RABGAP1L: variants seen among roughly 807,000 people sequenced by gnomAD.
RABGAP1L encodes the protein RAB GTPase activating protein 1 like, also known as rab GTPase-activating protein 1-like.
In RABGAP1L, 63 loss-of-function variants were observed where a neutral mutation model predicts 137.7. The observed-to-expected ratio is 0.46, with a 90% CI of 0.37 to 0.56. The LOEUF is 0.56. Among genes scored for constraint, RABGAP1L ranks in the 20% least tolerant of loss-of-function variants. The pLI is 0.00. For synonymous variants in RABGAP1L, 431 were observed against 433.7 expected (o/e 0.99, Z 0.08); for missense variants, 1,095 against 1,244.0 (o/e 0.88, Z 1.80).
intron 17 of RABGAP1L, among the ~76,000 whole-genome samples, chr1:174,728,196 G>T (rs1236614916): frequency 6.6e-6 from 1 of 152,046 alleles, no homozygotes; most frequent in South Asian, 2.1e-4. Flanking sequence ...TTGTTGCCTT[G>T]TTCTTTACTC....
intron 12 of RABGAP1L, among the ~76,000 whole-genome samples, chr1:174,379,255 G>A (rs950646865): frequency 2.7e-5 from 4 of 149,400 alleles, no homozygotes; most frequent in African/African-American, 1.0e-4. Context: ...GCTTAGGATT[G>A]ACTTGGCGAT....
At chr1:174,829,240 T>A (rs1360419415) in intron 19 of RABGAP1L, among the ~76,000 whole-genome samples, 3 of 148,228 alleles carry the variant, frequency 2.0e-5, no homozygotes, top group Non-Finnish European at 4.5e-5. Context: ...ATATTGGGCT[T>A]TGCATTTTCC....
intron 11 of RABGAP1L, among the ~76,000 whole-genome samples, chr1:174,329,949 C>CA (rs60754983): frequency 0.016 from 2,301 of 142,406 alleles, 26 homozygotes; most frequent in Admixed American, 0.026. Flanking sequence ...TGGTCTCCTG[C>CA]AAAAAAAAAA....
chr1:174,255,599 A>G (rs995870287), intron 7 of RABGAP1L, among the ~76,000 whole-genome samples: 72 of 152,318 alleles, frequency 4.7e-4, no homozygotes, highest in African/African-American at 1.7e-3. Flanking sequence ...ATCTTGGCTC[A>G]CTGCAACCTC....
intron 14 of RABGAP1L, among the ~76,000 whole-genome samples, chr1:174,674,105 T>C (rs1207457272): frequency 6.6e-6 from 1 of 151,668 alleles, no homozygotes; most frequent in Non-Finnish European, 1.5e-5. Flanking sequence ...ATTATTATTA[T>C]ACTTTAAGTT....
chr1:174,793,486 A>G (rs564655301), intron 18 of RABGAP1L, among the ~76,000 whole-genome samples: 1 of 152,350 alleles, frequency 6.6e-6, no homozygotes, highest in Admixed American at 6.5e-5. Flanking sequence ...GTAACTGCAC[A>G]GTATCTTCTA....
intron 11 of RABGAP1L, among the ~76,000 whole-genome samples, chr1:174,362,038 A>C (rs923345070): frequency 1.3e-5 from 2 of 152,070 alleles, no homozygotes; most frequent in East Asian, 3.9e-4. Context: ...TGCACTATTC[A>C]GTTTTCTGTT....
intron 19 of RABGAP1L, among the ~76,000 whole-genome samples, chr1:174,885,817 A>C (rs1654999934): frequency 1.3e-5 from 2 of 151,926 alleles, no homozygotes; most frequent in African/African-American, 4.8e-5. Flanking sequence ...AATACAAAAA[A>C]TTAGCCGGGC....
chr1:174,920,661 G>A (rs10912850), intron 19 of RABGAP1L, among the ~76,000 whole-genome samples: 16,664 of 152,140 alleles, frequency 0.11, 982 homozygotes, highest in East Asian at 0.22. Context: ...CTTTAAAGTG[G>A]TAATTAAGGT....
At chr1:174,552,327 G>A (rs1007220618) in intron 13 of RABGAP1L, among the ~76,000 whole-genome samples, 12 of 151,774 alleles carry the variant, frequency 7.9e-5, no homozygotes, top group South Asian at 2.1e-4. Context: ...TCCACCCTCC[G>A]CCTCCACCCT....
chr1:174,614,870 C>A (rs990903865), intron 13 of RABGAP1L, among the ~76,000 whole-genome samples: 19 of 152,296 alleles, frequency 1.2e-4, no homozygotes, highest in Middle Eastern at 3.4e-3. Flanking sequence ...TTGATCGTAT[C>A]GGCTCCTGAG....
intron 18 of RABGAP1L, chr1:174,800,490 G>A (rs577417263): frequency 9.0e-6 from 14 of 1,550,408 alleles, no homozygotes; most frequent in Admixed American, 2.0e-5. Flanking sequence ...TTTGTGCCTC[G>A]GCTTCTGGCG....
At chr1:174,486,943 A>C (rs891092157) in intron 13 of RABGAP1L, among the ~76,000 whole-genome samples, 2 of 152,164 alleles carry the variant, frequency 1.3e-5, no homozygotes, top group African/African-American at 2.4e-5. Context: ...AGTATTCAAA[A>C]TTCCTTGTTA....
At chr1:174,644,803 C>T (rs757206664) in intron 14 of RABGAP1L, among the ~76,000 whole-genome samples, 10 of 152,066 alleles carry the variant, frequency 6.6e-5, no homozygotes, top group Non-Finnish European at 1.0e-4. Flanking sequence ...CTCCTCTTCC[C>T]GCACCTTTAA....
At chr1:174,573,789 T>A (rs1668169288) in intron 13 of RABGAP1L, among the ~76,000 whole-genome samples, 1 of 151,688 alleles carries the variant, frequency 6.6e-6, no homozygotes, top group African/African-American at 2.4e-5. Flanking sequence ...CTGAGAGTAG[T>A]AAGTGCTTAA....
chr1:174,796,348 C>A (rs1478758875), intron 18 of RABGAP1L, among the ~76,000 whole-genome samples: 3 of 151,924 alleles, frequency 2.0e-5, no homozygotes, highest in Non-Finnish European at 2.9e-5. Flanking sequence ...TGAATCGCAA[C>A]AACAATAAAA....
Position 174,741,855 on chromosome 1 carries a change from CAAAAAAAAAAAAA to C in RABGAP1L, c.2170-10445_2170-10433del, listed in dbSNP as rs775821774. ...GCAACATGGCAAAAGCCTATTTCTACAAAAAAAAAAAAAAAAAAAAAAAAAGTAGAAAAATTAG... is the reference window on the plus strand; with the variant it reads ...GCAACATGGCAAAAGCCTATTTCTACAAAAAAAAAAAAGTAGAAAAATTAG... On this transcript the variant is annotated intron_variant, in intron 17 of 25. Transcript: ENST00000681986. 4.1e-3 allele frequency among the ~76,000 whole-genome samples: 170 copies of C among 41,880 alleles called. No individual in the cohort carries two copies. In the South Asian group the frequency reaches 0.061, roughly 15 times the overall value. The allele number at this position is 41,880 out of a possible 152,430, so 27.5% of individuals were successfully genotyped here.
chr1:174,717,449 A>G (rs918962527), intron 17 of RABGAP1L, among the ~76,000 whole-genome samples: 3 of 152,134 alleles, frequency 2.0e-5, no homozygotes, highest in Admixed American at 6.5e-5. Flanking sequence ...AATGAAAGAT[A>G]AATATCCAAT....
intron 13 of RABGAP1L, among the ~76,000 whole-genome samples, chr1:174,527,694 T>TTTTCTGTCTAGATTA (rs1664018774): frequency 1.3e-5 from 2 of 152,292 alleles, no homozygotes; most frequent in South Asian, 4.1e-4. Flanking sequence ...TCTTTACTGA[T>TTTTCTGTCTAGATTA]TTTCTGTCTA....
Sources: allele counts gnomAD v4.1 joint callset (sites outside exome capture counted in the v4.1 genomes callset), GRCh38; gene constraint gnomAD v4.1.1; transcripts MANE v1.5; gene names NCBI Gene and HGNC (gene_info 2026-07-23, HGNC 2026-07-21).